DNAJC1: variants seen among roughly 807,000 people sequenced by gnomAD.
DNAJC1 encodes the protein DnaJ heat shock protein family (Hsp40) member C1.
Under a neutral mutation model 76.6 loss-of-function variants are expected in DNAJC1, and 58 were observed. The ratio of observed to expected loss-of-function variants is 0.76; its 90% CI spans 0.61 to 0.94. The LOEUF (loss-of-function observed/expected upper bound fraction) is 0.94, where lower values mean the gene tolerates loss of function less well. DNAJC1 is among the 40% of genes least tolerant of loss of function. The probability of loss-of-function intolerance (pLI) is 0.00; values close to 1 mark genes in which losing one functional copy is unlikely to be tolerated. For missense variants in DNAJC1, 689 were observed against 677.3 expected (o/e 1.02, Z -0.19); for synonymous variants, 258 against 267.9 (o/e 0.96, Z 0.36).
intron 1 of DNAJC1, among the ~76,000 whole-genome samples, chr10:21,973,375 T>G (rs994248381): frequency 2.0e-5 from 3 of 152,158 alleles, no homozygotes; most frequent in South Asian, 2.1e-4. Flanking sequence ...CCAGAGAAAA[T>G]CCAGCTGAAG....
intron 1 of DNAJC1, among the ~76,000 whole-genome samples, chr10:21,956,674 T>A (rs1022151854): frequency 6.6e-6 from 1 of 151,472 alleles, no homozygotes; most frequent in African/African-American, 2.4e-5. Context: ...CCACTATAAT[T>A]TTTTGCCTGG....
intron 8 of DNAJC1, among the ~76,000 whole-genome samples, chr10:21,843,803 G>A (rs1043301502): frequency 1.3e-5 from 2 of 151,362 alleles, no homozygotes; most frequent in Admixed American, 6.6e-5. Flanking sequence ...GCAGTGGTGT[G>A]ATCTCAGCTC....
intron 10 of DNAJC1, among the ~76,000 whole-genome samples, chr10:21,761,904 A>AT (rs1054972509): frequency 4.0e-5 from 6 of 151,724 alleles, no homozygotes; most frequent in Non-Finnish European, 7.4e-5. Context: ...TGAAAACACA[A>AT]TTTTTTTTTA....
chr10:21,928,460 C>A (rs1159432055), intron 3 of DNAJC1, 46 bp downstream of exon 3: 1 of 1,515,568 alleles, frequency 6.6e-7, no homozygotes. Flanking sequence ...TAAACTGTAG[C>A]ATGAAACTAT....
intron 1 of DNAJC1, among the ~76,000 whole-genome samples, chr10:21,980,605 T>C (rs559486550): frequency 7.4e-4 from 113 of 152,220 alleles, no homozygotes; most frequent in Middle Eastern, 3.4e-3. Flanking sequence ...AAAAGGATGT[T>C]AATGGGACAG....
chr10:21,880,503 C>T (rs868287927), intron 8 of DNAJC1, among the ~76,000 whole-genome samples: 4 of 152,122 alleles, frequency 2.6e-5, no homozygotes, highest in Non-Finnish European at 4.4e-5. Context: ...TCATGGGTTG[C>T]AGAATGGATG....
intron 1 of DNAJC1, among the ~76,000 whole-genome samples, chr10:21,938,815 TAACCAA>T (rs972375410): frequency 6.6e-6 from 1 of 152,204 alleles, no homozygotes. Flanking sequence ...TTTGGCTAGT[TAACCAA>T]AACCAAAACC....
intron 9 of DNAJC1, among the ~76,000 whole-genome samples, chr10:21,789,961 G>A (rs962994150): frequency 1.6e-5 from 2 of 121,354 alleles, no homozygotes; most frequent in African/African-American, 6.4e-5. Flanking sequence ...AGTGAGCCAA[G>A]ACTAAGCCAC....
chr10:21,893,974 C>T (rs1221157529), intron 7 of DNAJC1, among the ~76,000 whole-genome samples: 1 of 152,078 alleles, frequency 6.6e-6, no homozygotes. Context: ...GAAATCACTA[C>T]AGGGCATGTA....
chr10:21,916,654 G>A (rs561941425), intron 6 of DNAJC1, among the ~76,000 whole-genome samples: 2 of 151,832 alleles, frequency 1.3e-5, no homozygotes, highest in South Asian at 2.1e-4. Context: ...AGATAACTTC[G>A]GGTGAAAAAG....
chr10:21,932,508 T>A (rs903115557), intron 1 of DNAJC1, among the ~76,000 whole-genome samples: 2 of 152,230 alleles, frequency 1.3e-5, no homozygotes, highest in African/African-American at 2.4e-5. Flanking sequence ...CTTTATCTGA[T>A]CTCTAAAAAC....
chr10:21,933,685 C>T (rs1329924134), intron 1 of DNAJC1, among the ~76,000 whole-genome samples: 1 of 152,162 alleles, frequency 6.6e-6, no homozygotes, highest in East Asian at 1.9e-4. Flanking sequence ...TATATTTAGT[C>T]ATACACCACA....
intron 11 of DNAJC1, among the ~76,000 whole-genome samples, chr10:21,758,748 T>C (rs1182275711): frequency 6.6e-6 from 1 of 152,240 alleles, no homozygotes; most frequent in Admixed American, 6.5e-5. Context: ...ACACAGCCAA[T>C]GGGCCTTGTG....
At chr10:21,908,203 ATAAAATATATATTATATAT>A (rs1391454901) in intron 6 of DNAJC1, among the ~76,000 whole-genome samples, 6 of 94,668 alleles carry the variant, frequency 6.3e-5, no homozygotes, top group African/African-American at 2.7e-4. Context: ...TATTATATAT[ATAAAATATATATTATATAT>A]AATATATATA....
chr10:21,927,382 C>T (rs1246284818), intron 3 of DNAJC1, among the ~76,000 whole-genome samples: 4 of 152,166 alleles, frequency 2.6e-5, no homozygotes, highest in Non-Finnish European at 5.9e-5. Flanking sequence ...CAGAATGTAA[C>T]ATAGCACAAT....
chr10:21,994,510 C>T (rs995031804), intron 1 of DNAJC1, among the ~76,000 whole-genome samples: 1 of 152,078 alleles, frequency 6.6e-6, no homozygotes, highest in Non-Finnish European at 1.5e-5. Context: ...AGAAGTTGGC[C>T]AGGCGCGGTG....
chr10:21,964,144 T>C (rs987462223), intron 1 of DNAJC1, among the ~76,000 whole-genome samples: 33 of 152,234 alleles, frequency 2.2e-4, no homozygotes, highest in African/African-American at 8.0e-4. Context: ...CTGAAAAATA[T>C]AAAAACCTTA....
At chr10:21,799,674 C>A (rs180988506) in intron 9 of DNAJC1, among the ~76,000 whole-genome samples, 1,538 of 152,036 alleles carry the variant, frequency 0.01, 13 homozygotes, top group Non-Finnish European at 0.012. Context: ...TTCTATGAAA[C>A]CTCCCTCCCT....
intron 7 of DNAJC1, among the ~76,000 whole-genome samples, chr10:21,901,324 A>C (rs1836648884): frequency 6.6e-6 from 1 of 152,118 alleles, no homozygotes; most frequent in Admixed American, 6.5e-5. Flanking sequence ...TAATTTCTTT[A>C]TAAAGTAAGT....
Sources: gnomAD v4.1 joint callset for allele counts (sites outside exome capture counted in the v4.1 genomes callset) on GRCh38, gnomAD v4.1.1 for gene constraint, MANE v1.5 for transcripts, NCBI Gene and HGNC (gene_info 2026-07-23, HGNC 2026-07-21) for gene names.